KIF1A: variants seen among roughly 807,000 people sequenced by gnomAD.
The protein encoded by KIF1A is kinesin family member 1A.
A neutral mutation model predicts 227.3 loss-of-function variants in KIF1A; 46 were observed. The ratio of observed to expected loss-of-function variants is 0.20; its 90% CI spans 0.16 to 0.26. The LOEUF (loss-of-function observed/expected upper bound fraction) is 0.26, where lower values mean the gene tolerates loss of function less well. Ranked by LOEUF, KIF1A falls within the 10% of genes least tolerant of loss-of-function variation. The pLI is 1.00. For synonymous variants in KIF1A, 1,022 were observed against 1,012.8 expected, an observed-to-expected ratio of 1.01 and a Z score of -0.17; for missense variants, 1,683 against 2,485.9, an observed-to-expected ratio of 0.68 and a Z score of 6.87.
rs1263060195 is a variant in KIF1A, at chr2:240,725,126, C to T, written c.4256+145G>A. On this transcript the variant is annotated intron_variant, in intron 40 of 48. Coordinates refer to ENST00000498729, the MANE Select transcript of KIF1A (RefSeq NM_001244008.2). This position sits in a 1 kb window ranked among gnomAD's most constrained non-coding sequence, Gnocchi z 5.8. The stretch of plus-strand genomic sequence containing the variant: ...CTAGGGTGAGCAGGAGGGGACTGAG[C>T]GCAGGGAGCCAGCCAGGAGTGTGGC... The T allele has an allele frequency of 1.8e-5, 14 of 796,518 alleles. No homozygotes were observed. Among genetic ancestry groups the T allele is most frequent in the South Asian group, 6.5e-5 (4 of 61,078 alleles). The allele number at this position is 796,518 out of a possible 1,614,324, so 49.3% of individuals were successfully genotyped here. A position where few individuals can be genotyped will look rare whatever the true frequency, so the allele number is the denominator to read the frequency against.
chr2:240,766,869 C>T lies in KIF1A; in HGVS notation c.1684+46G>A. 1.0e-5 allele frequency: 14 copies of T among 1,372,624 alleles called. No individual in the cohort carries two copies. Among genetic ancestry groups the T allele is most frequent in the African/African-American group, 1.4e-5 (1 of 69,988 alleles). 85.0% of individuals were successfully genotyped at this position (1,372,624 alleles called of 1,614,324 possible). A position where few individuals can be genotyped will look rare whatever the true frequency, so the allele number is the denominator to read the frequency against. The stretch of plus-strand genomic sequence containing the variant: ...TGACCTCATTCAGGCCTGATCATCA[C>T]GGCACAGGGGCATGGGTGCGGGTAG... On this transcript the variant is annotated intron_variant, in intron 19 of 48. Transcript: ENST00000498729. The surrounding 1 kb of genome is among the most constrained non-coding windows in gnomAD (Gnocchi z 5.0).
intron 41 of KIF1A, 54 bp downstream of exon 41, chr2:240,723,921 G>T: frequency 6.9e-7 from 1 of 1,450,224 alleles, no homozygotes; most frequent in East Asian, 2.3e-5. Flanking sequence ...CCCCAAGTGG[G>T]CAGAGGTTGA....
intron 21 of KIF1A, 21 bp downstream of exon 21, chr2:240,763,145 T>A: frequency 1.2e-6 from 2 of 1,605,328 alleles, no homozygotes; most frequent in South Asian, 2.2e-5. Context: ...AGCAGGCAGT[T>A]GGGGGTGGCC....
Position 240,788,156 on chromosome 2 carries a change from A to G in KIF1A, c.258T>C (p.Phe86=), listed in dbSNP as rs183284555. Residue 86 remains phenylalanine (F), a synonymous_variant, in exon 4 of 49, where the codon TTT becomes TTC. Transcript: ENST00000498729. The surrounding 1 kb of genome is among the most constrained non-coding windows in gnomAD (Gnocchi z 6.6). ...DIGEEMLQHA[F]EGYNVCIFAY... ...CGAAGATGCACACGTTGTATCCCTC[A>G]AAGGCATGCTGCAGCATCTCCTCGC... 373 of 1,613,538 alleles carry G rather than the reference A, an allele frequency of 2.3e-4. 2 individuals are homozygous for G. The East Asian group carries it at 6.5e-3, about 28-fold the overall frequency.
At position 240,740,212 on chromosome 2, in the gene KIF1A, C is replaced by T. The variant is rs766931077; in HGVS notation, c.3817-70G>A. 49 of 1,563,100 alleles carry T rather than the reference C, an allele frequency of 3.1e-5. No individual in the cohort carries two copies. Among genetic ancestry groups the T allele is most frequent in the Non-Finnish European group, 3.6e-5 (41 of 1,141,728 alleles). On this transcript the variant is annotated intron_variant, in intron 36 of 48. Transcript: ENST00000498729. This position sits in a 1 kb window ranked among gnomAD's most constrained non-coding sequence, Gnocchi z 6.1. Reference sequence around the variant, plus strand: ...CTACGTAGGGTGAGGGAGGGGGACACAGGCAGGGTAGGGGCAGGGAGAGGC... The same window carrying T: ...CTACGTAGGGTGAGGGAGGGGGACATAGGCAGGGTAGGGGCAGGGAGAGGC...
chr2:240,731,224 GAC>G (rs1159501418), intron 38 of KIF1A, among the ~76,000 whole-genome samples: 2 of 151,934 alleles, frequency 1.3e-5, no homozygotes, highest in Non-Finnish European at 2.9e-5. Flanking sequence ...GCCCACCAAG[GAC>G]TTAGACATAG....
chr2:240,732,804 T>G (rs1575539381), intron 38 of KIF1A, among the ~76,000 whole-genome samples: 7 of 47,612 alleles, frequency 1.5e-4, no homozygotes, highest in African/African-American at 2.8e-4. Flanking sequence ...GATGAGGGGA[T>G]GAGGGAGGGA....
chr2:240,821,327 G>A (rs1409698447), upstream of KIF1A, among the ~76,000 whole-genome samples: 1 of 152,252 alleles, frequency 6.6e-6, no homozygotes, highest in Non-Finnish European at 1.5e-5. Context: ...ACTCCTGGGA[G>A]AGCCGGCTTC....
At chr2:240,750,368 C>A in intron 28 of KIF1A, 61 bp downstream of exon 28, 1 of 1,308,124 alleles carries the variant, frequency 7.6e-7, no homozygotes, top group Non-Finnish European at 1.1e-6. Flanking sequence ...CCTCTGCCTG[C>A]AAAGGTCAGA....
At chr2:240,783,622 G>A in intron 8 of KIF1A, 117 bp downstream of exon 8, 1 of 732,508 alleles carries the variant, frequency 1.4e-6, no homozygotes. Context: ...CCCTCCCTAT[G>A]CAGGCTCACC....
chr2:240,724,466 C>T (rs1006410790), intron 40 of KIF1A: 2 of 239,906 alleles, frequency 8.3e-6, no homozygotes, highest in South Asian at 5.2e-5. Flanking sequence ...ACAGACAGGT[C>T]GGTGGCATCC....
intron 1 of KIF1A, among the ~76,000 whole-genome samples, chr2:240,815,272 CTG>C (rs1192740607): frequency 6.6e-6 from 1 of 152,214 alleles, no homozygotes; most frequent in Admixed American, 6.5e-5. Context: ...CTGGCTTGAG[CTG>C]ATGACAGATG....
intron 41 of KIF1A, 23 bp downstream of exon 41, chr2:240,723,952 G>A: frequency 6.2e-7 from 1 of 1,606,364 alleles, no homozygotes; most frequent in East Asian, 2.2e-5. Flanking sequence ...AACCCACCCA[G>A]TGAGAGCAGG....
intron 38 of KIF1A, among the ~76,000 whole-genome samples, chr2:240,729,788 G>A (rs752655121): frequency 2.6e-4 from 40 of 152,228 alleles, no homozygotes; most frequent in Admixed American, 7.2e-4. Flanking sequence ...GAGCTGGGGA[G>A]AGAATGGTGG....
chr2:240,761,153 C>G, intron 24 of KIF1A, 76 bp downstream of exon 24: 1 of 1,506,392 alleles, frequency 6.6e-7, no homozygotes, highest in Non-Finnish European at 9.1e-7. Flanking sequence ...TGCTGAGTCC[C>G]AAGTAGCTGT....
At chr2:240,808,671 T>A (rs1028650234) in intron 1 of KIF1A, among the ~76,000 whole-genome samples, 2 of 151,694 alleles carry the variant, frequency 1.3e-5, no homozygotes, top group African/African-American at 4.8e-5. Context: ...AGATCTTCTC[T>A]CTAAAAAATA....
chr2:240,732,768 GAGGGATAAGGGATGA>G (rs1218457912), intron 38 of KIF1A, among the ~76,000 whole-genome samples: 1 of 72,562 alleles, frequency 1.4e-5, no homozygotes, highest in South Asian at 4.9e-4. Flanking sequence ...GGGAATGAGG[GAGGGATAAGGGATGA>G]GGGGATAAGG....
At chr2:240,733,255 G>T (rs1049740969) in intron 38 of KIF1A, among the ~76,000 whole-genome samples, 1 of 152,040 alleles carries the variant, frequency 6.6e-6, no homozygotes, top group Non-Finnish European at 1.5e-5. Context: ...CAAGCTGATG[G>T]GCTCCCCAGA....
At chr2:240,744,620 T>G (rs1313197625) in intron 32 of KIF1A, among the ~76,000 whole-genome samples, 2 of 152,176 alleles carry the variant, frequency 1.3e-5, no homozygotes, top group African/African-American at 4.8e-5. Flanking sequence ...GAGGGCCATG[T>G]GAACAGACAC....
Sources: allele counts gnomAD v4.1 joint callset (sites outside exome capture counted in the v4.1 genomes callset), GRCh38; gene constraint gnomAD v4.1.1; non-coding constraint Gnocchi (gnomAD v3.1); transcripts MANE v1.5; gene names NCBI Gene and HGNC (gene_info 2026-07-23, HGNC 2026-07-21).